Variants in EIF4EBP1 observed in about 807,000 individuals in gnomAD.
The protein encoded by EIF4EBP1 is eukaryotic translation initiation factor 4E binding protein 1, also known as eukaryotic translation initiation factor 4E-binding protein 1.
EIF4EBP1 carries 5 observed loss-of-function variants against 9.2 expected under a neutral mutation model. The observed-to-expected ratio is 0.54, with a 90% CI of 0.28 to 1.14. The LOEUF is 1.14. Among genes scored for constraint, EIF4EBP1 ranks in the 50% most tolerant of loss-of-function variants. The probability of loss-of-function intolerance (pLI) is 0.09; values close to 1 mark genes in which losing one functional copy is unlikely to be tolerated. For missense variants in EIF4EBP1, 139 were observed against 169.6 expected (o/e 0.82, Z 1.00); for synonymous variants, 62 against 67.0 (o/e 0.93, Z 0.36).
At chr8:38,031,958 A>AG (rs771657047) in intron 1 of EIF4EBP1, among the ~76,000 whole-genome samples, 12 of 152,188 alleles carry the variant, frequency 7.9e-5, no homozygotes, top group Non-Finnish European at 1.6e-4. Context: ...AAAAGCTCGC[A>AG]GGGGCTCTTG....
chr8:38,055,771 C>T (rs957247739), intron 1 of EIF4EBP1, among the ~76,000 whole-genome samples: 2 of 152,016 alleles, frequency 1.3e-5, no homozygotes, highest in Non-Finnish European at 2.9e-5. Context: ...CCGAGGCAGG[C>T]AGATCACGAG....
chr8:38,049,920 T>C (rs1417433897), intron 1 of EIF4EBP1, among the ~76,000 whole-genome samples: 1 of 10,380 alleles, frequency 9.6e-5, no homozygotes, highest in African/African-American at 3.0e-4. Context: ...TCTTTTTTCT[T>C]TTTTTTTTTG....
chr8:38,050,762 G>A (rs1809509716), intron 1 of EIF4EBP1, among the ~76,000 whole-genome samples: 1 of 152,230 alleles, frequency 6.6e-6, no homozygotes, highest in South Asian at 2.1e-4. Context: ...ACTTACAGGT[G>A]TGAACCACTG....
chr8:38,053,753 T>C (rs771072130), intron 1 of EIF4EBP1, among the ~76,000 whole-genome samples: 1 of 152,074 alleles, frequency 6.6e-6, no homozygotes, highest in Non-Finnish European at 1.5e-5. Flanking sequence ...CATGCTACAG[T>C]GTGGAGGGAC....
chr8:38,054,493 G>T (rs1198397179), intron 1 of EIF4EBP1, among the ~76,000 whole-genome samples: 4 of 151,932 alleles, frequency 2.6e-5, no homozygotes, highest in Non-Finnish European at 5.9e-5. Flanking sequence ...AAACAAGAAG[G>T]GGGGCACTCT....
rs1311502041 is a variant in EIF4EBP1 at position 38,030,630 on chromosome 8, C to T, written c.57C>T (p.Arg19=). 1.3e-6 allele frequency: 2 copies of T among 1,514,608 alleles called. No individual in the cohort carries two copies. Among genetic ancestry groups the T allele is most frequent in the Admixed American group, 2.0e-5 (1 of 49,032 alleles). 93.8% of individuals were successfully genotyped at this position (1,514,608 alleles called of 1,614,324 possible). The change falls in exon 1 of 3, where the codon CGC becomes CGT. Residue 19 remains arginine, a synonymous_variant. Coordinates refer to ENST00000338825, the MANE Select transcript of EIF4EBP1 (RefSeq NM_004095.4). ...QTPSRAIPAT[R]RVVLGDGVQL... is the part of the protein sequence containing the mutation. ...CAAGCCGGGCCATCCCCGCCACTCG[C>T]CGGGTGGTGCTCGGCGACGGCGTGC...
intron 1 of EIF4EBP1, among the ~76,000 whole-genome samples, chr8:38,048,049 T>C (rs1809469355): frequency 6.6e-6 from 1 of 152,152 alleles, no homozygotes; most frequent in Non-Finnish European, 1.5e-5. Flanking sequence ...AGTGGATCAC[T>C]TGAGCCCAGG....
intron 1 of EIF4EBP1, among the ~76,000 whole-genome samples, chr8:38,048,769 G>A (rs572054226): frequency 2.6e-5 from 4 of 152,026 alleles, no homozygotes; most frequent in African/African-American, 9.6e-5. Context: ...GAAACCAGGG[G>A]TTTGAGACCA....
At chr8:38,040,737 T>C (rs949093724) in intron 1 of EIF4EBP1, among the ~76,000 whole-genome samples, 7 of 152,178 alleles carry the variant, frequency 4.6e-5, no homozygotes, top group African/African-American at 1.7e-4. Context: ...TGAGTTTTAT[T>C]TACATGGTAG....
chr8:38,049,074 G>C (rs147533028), intron 1 of EIF4EBP1, among the ~76,000 whole-genome samples: 1 of 150,168 alleles, frequency 6.7e-6, no homozygotes, highest in Non-Finnish European at 1.5e-5. Context: ...GCAGTGAGCC[G>C]AGATTGCGCC....
intron 1 of EIF4EBP1, among the ~76,000 whole-genome samples, chr8:38,039,246 A>T (rs1310755906): frequency 6.6e-6 from 1 of 151,790 alleles, no homozygotes; most frequent in African/African-American, 2.4e-5. Context: ...AGTGTGGCCC[A>T]GGGAAGCCAG....
At chr8:38,054,775 C>T (rs1275262660) in intron 1 of EIF4EBP1, among the ~76,000 whole-genome samples, 3 of 152,170 alleles carry the variant, frequency 2.0e-5, no homozygotes, top group African/African-American at 7.2e-5. Context: ...CTCACTGTCA[C>T]CCCAGCCCTG....
intron 1 of EIF4EBP1, among the ~76,000 whole-genome samples, chr8:38,055,168 C>T (rs1376030271): frequency 6.6e-6 from 1 of 152,102 alleles, no homozygotes; most frequent in Admixed American, 6.6e-5. Flanking sequence ...CATTCCTCTG[C>T]CCTTCAGCAT....
intron 1 of EIF4EBP1, among the ~76,000 whole-genome samples, chr8:38,042,414 G>C (rs537887342): frequency 1.3e-5 from 2 of 152,296 alleles, no homozygotes; most frequent in African/African-American, 2.4e-5. Flanking sequence ...CTGAACACAA[G>C]GGTAGAGTGG....
intron 1 of EIF4EBP1, among the ~76,000 whole-genome samples, chr8:38,044,362 A>G (rs1401157653): frequency 6.6e-6 from 1 of 152,120 alleles, no homozygotes. Context: ...TCTGACAAGC[A>G]CCCAGAAGTC....
intron 1 of EIF4EBP1, among the ~76,000 whole-genome samples, chr8:38,052,524 C>T (rs1369288148): frequency 6.6e-6 from 1 of 152,028 alleles, no homozygotes; most frequent in African/African-American, 2.4e-5. Context: ...AGGTCAGGAA[C>T]TCAAGACCTG....
rs1465464009 is a variant in EIF4EBP1, at chr8:38,060,058, C to T, written c.*123C>T. ...CAGGCGTTGGCGTGGGGTCGGACACCCCAGCCCTTTCTCCCTCACTCAGGG... is the reference window on the plus strand; with the variant it reads ...CAGGCGTTGGCGTGGGGTCGGACACTCCAGCCCTTTCTCCCTCACTCAGGG... On this transcript the variant is annotated 3_prime_UTR_variant, in exon 3 of 3. Transcript: ENST00000338825. 2.1e-6 allele frequency: 2 copies of T among 974,698 alleles called. No individual in the cohort carries two copies. The highest frequency in any genetic ancestry group is 2.6e-5 in the South Asian group (2 of 76,740). 60.4% of individuals were successfully genotyped at this position (974,698 alleles called of 1,614,324 possible).
intron 1 of EIF4EBP1, among the ~76,000 whole-genome samples, chr8:38,056,039 G>A (rs1230277512): frequency 6.6e-6 from 1 of 150,524 alleles, no homozygotes; most frequent in Admixed American, 6.6e-5. Context: ...TTTTTTTTTT[G>A]GAACTGTCTT....
At chr8:38,044,012 A>G (rs1236434298) in intron 1 of EIF4EBP1, among the ~76,000 whole-genome samples, 1 of 152,086 alleles carries the variant, frequency 6.6e-6, no homozygotes, top group Non-Finnish European at 1.5e-5. Context: ...CTCCAGGTTA[A>G]CAGGGAGCTG....
Sources: allele counts gnomAD v4.1 joint callset (sites outside exome capture counted in the v4.1 genomes callset), GRCh38; gene constraint gnomAD v4.1.1; transcripts MANE v1.5; gene names NCBI Gene and HGNC (gene_info 2026-07-23, HGNC 2026-07-21).